The following CADM2 variants were observed in gnomAD, a reference collection of about 807,000 sequenced individuals.
The protein encoded by CADM2 is cell adhesion molecule 2.
Under a neutral mutation model 49.8 loss-of-function variants are expected in CADM2, and 12 were observed. That is an observed-to-expected ratio of 0.24 (90% confidence interval 0.15 to 0.39). CADM2 has a LOEUF of 0.39. CADM2 is among the 10% of genes least tolerant of loss of function. The pLI is 1.00. For synonymous variants in CADM2, 214 were observed against 175.4 expected, an observed-to-expected ratio of 1.22 and a Z score of -1.74; for missense variants, 378 against 492.3, an observed-to-expected ratio of 0.77 and a Z score of 2.20.
intron 1 of CADM2, among the ~76,000 whole-genome samples, chr3:85,378,820 A>G (rs1305768571): frequency 1.3e-5 from 2 of 151,990 alleles, no homozygotes; most frequent in Non-Finnish European, 2.9e-5. Context: ...AGAAATCACC[A>G]TTAAAAAACT....
At chr3:85,631,078 A>G (rs1403889445) in intron 1 of CADM2, among the ~76,000 whole-genome samples, 1 of 152,034 alleles carries the variant, frequency 6.6e-6, no homozygotes, top group Non-Finnish European at 1.5e-5. Context: ...AACTCATCAC[A>G]TATATGCCTA....
intron 2 of CADM2, among the ~76,000 whole-genome samples, chr3:85,778,353 G>C (rs1052908850): frequency 5.9e-5 from 9 of 151,966 alleles, no homozygotes; most frequent in Non-Finnish European, 8.8e-5. Flanking sequence ...AACTTACATG[G>C]TTTGGCTCCG....
intron 1 of CADM2, among the ~76,000 whole-genome samples, chr3:85,052,855 C>T (rs1197578242): frequency 6.6e-6 from 1 of 151,956 alleles, no homozygotes; most frequent in Non-Finnish European, 1.5e-5. Context: ...ATTTTTCAGA[C>T]ATGAAAAATG....
intron 1 of CADM2, among the ~76,000 whole-genome samples, chr3:85,419,015 C>G (rs927174704): frequency 1.3e-4 from 20 of 151,926 alleles, no homozygotes; most frequent in African/African-American, 4.4e-4. Context: ...CAAAGAGAGC[C>G]CAAATAAGTA....
chr3:85,358,083 C>T (rs902363133), intron 1 of CADM2, among the ~76,000 whole-genome samples: 2 of 152,052 alleles, frequency 1.3e-5, no homozygotes, highest in African/African-American at 4.8e-5. Context: ...CAGGAATATT[C>T]TTTGTTGTGG....
chr3:85,299,754 T>G (rs1007194191), intron 1 of CADM2, among the ~76,000 whole-genome samples: 24 of 152,124 alleles, frequency 1.6e-4, no homozygotes, highest in African/African-American at 5.8e-4. Context: ...TGACTTGTGA[T>G]TTTTCTTCTT....
intron 3 of CADM2, among the ~76,000 whole-genome samples, chr3:85,858,000 C>A (rs1385032605): frequency 6.6e-6 from 1 of 152,158 alleles, no homozygotes; most frequent in Non-Finnish European, 1.5e-5. Flanking sequence ...ATTGACCCTA[C>A]CATTAACTTT....
chr3:86,019,199 G>T (rs1353131952), intron 8 of CADM2, among the ~76,000 whole-genome samples: 1 of 136,280 alleles, frequency 7.3e-6, no homozygotes, highest in Non-Finnish European at 1.6e-5. Context: ...GATATGAGGC[G>T]TTATTTCTGA....
intron 1 of CADM2, among the ~76,000 whole-genome samples, chr3:85,378,851 A>G (rs930778373): frequency 4.6e-5 from 7 of 151,898 alleles, no homozygotes; most frequent in African/African-American, 1.7e-4. Flanking sequence ...ATGAAACGCT[A>G]CCTGTTCCCC....
chr3:85,502,215 A>G (rs2107667020), intron 1 of CADM2, among the ~76,000 whole-genome samples: 1 of 152,298 alleles, frequency 6.6e-6, no homozygotes, highest in Non-Finnish European at 1.5e-5. Context: ...TGTTTTCTAG[A>G]AACCCCTTAA....
intron 1 of CADM2, among the ~76,000 whole-genome samples, chr3:85,227,457 T>G (rs1005409417): frequency 6.6e-6 from 1 of 150,940 alleles, no homozygotes; most frequent in African/African-American, 2.4e-5. Flanking sequence ...CCCTGCTTTT[T>G]TTTTTTTTTT....
intron 1 of CADM2, among the ~76,000 whole-genome samples, chr3:85,443,373 A>G (rs192098311): frequency 2.0e-5 from 3 of 152,260 alleles, no homozygotes; most frequent in Non-Finnish European, 1.5e-5. Context: ...TCAATTCAGT[A>G]ATCTTTGGAA....
chr3:86,067,148 C>A lies in CADM2; in HGVS notation c.*365C>A, dbSNP rs1739425787. 5.7e-6 allele frequency: 1 copy of A among 176,022 alleles called. No homozygotes were observed. Among genetic ancestry groups the A allele is most frequent in the Non-Finnish European group, 1.2e-5 (1 of 82,604 alleles). The allele number at this position is 176,022 out of a possible 1,614,324, so 10.9% of individuals were successfully genotyped here. On this transcript the variant is annotated 3_prime_UTR_variant, in exon 10 of 10. Transcript: ENST00000383699. ...TTCCCCCATTTTTTCCCCTTTAAGT[C>A]ATAGACCTTATCAGTTTGCCATTGG... is the stretch of plus-strand genomic sequence containing the variant.
In CADM2 at chr3:85,884,771, C is replaced by T. The variant is rs1349682354; in HGVS notation, c.391+1328C>T. 2.7e-5 allele frequency among the ~76,000 whole-genome samples: 4 copies of T among 147,258 alleles called. No individual in the cohort carries two copies. The East Asian group carries it at 8.0e-4, about 29-fold the overall frequency. ...AACGGAGTCTCACTCTGTAGCCTGG[C>T]TGGAGTGCAGTGGCGCCATCTCAGC... On this transcript the variant is annotated intron_variant, in intron 4 of 9. Coordinates refer to ENST00000383699, the MANE Select transcript of CADM2 (RefSeq NM_001167675.2).
intron 1 of CADM2, among the ~76,000 whole-genome samples, chr3:85,415,359 T>C (rs1188293077): frequency 6.6e-6 from 1 of 151,776 alleles, no homozygotes; most frequent in East Asian, 1.9e-4. Flanking sequence ...ATTTGCATTT[T>C]CATTTTTAAT....
chr3:85,154,803 G>T (rs4624576), intron 1 of CADM2, among the ~76,000 whole-genome samples: 11,708 of 145,608 alleles, frequency 0.08, 959 homozygotes, highest in Admixed American at 0.25. Context: ...TTAAAGAAAA[G>T]AATTTTCAAC....
chr3:85,423,701 A>G (rs2036274674), intron 1 of CADM2, among the ~76,000 whole-genome samples: 2 of 152,172 alleles, frequency 1.3e-5, no homozygotes, highest in Non-Finnish European at 1.5e-5. Context: ...GCCATTGCCC[A>G]GAGACTGATG....
intron 1 of CADM2, among the ~76,000 whole-genome samples, chr3:85,628,429 C>T (rs896720867): frequency 6.6e-6 from 1 of 151,028 alleles, no homozygotes; most frequent in African/African-American, 2.4e-5. Flanking sequence ...TACTCTGCTC[C>T]AGGTTTTATT....
chr3:85,117,148 G>A (rs994271064), intron 1 of CADM2, among the ~76,000 whole-genome samples: 1 of 152,110 alleles, frequency 6.6e-6, no homozygotes, highest in African/African-American at 2.4e-5. Flanking sequence ...TTGAACCCGG[G>A]AGGTGGAGGT....
Sources: allele counts gnomAD v4.1 joint callset (sites outside exome capture counted in the v4.1 genomes callset), GRCh38; gene constraint gnomAD v4.1.1; transcripts MANE v1.5; gene names NCBI Gene and HGNC (gene_info 2026-07-23, HGNC 2026-07-21).